The following EDIL3 variants were observed in gnomAD, a reference collection of about 807,000 sequenced individuals.
EDIL3 encodes the protein EGF like and discoidin domains 3.
A neutral mutation model predicts 67.4 loss-of-function variants in EDIL3; 37 were observed. The observed-to-expected ratio is 0.55, with a 90% CI of 0.42 to 0.72. The LOEUF (loss-of-function observed/expected upper bound fraction) is 0.72. EDIL3 is among the 30% of genes least tolerant of loss of function. EDIL3 has a pLI of 0.00. For missense variants in EDIL3, 527 were observed against 586.3 expected (o/e 0.90, Z 1.04); for synonymous variants, 195 against 196.3 (o/e 0.99, Z 0.05).
At chr5:84,253,603 T>A (rs1745074021) in intron 2 of EDIL3, among the ~76,000 whole-genome samples, 1 of 152,180 alleles carries the variant, frequency 6.6e-6, no homozygotes, top group Non-Finnish European at 1.5e-5. Context: ...GCACTGCATC[T>A]GGAATATCCT....
intron 6 of EDIL3, among the ~76,000 whole-genome samples, chr5:84,077,454 A>G (rs965774231): frequency 6.6e-6 from 1 of 152,148 alleles, no homozygotes; most frequent in African/African-American, 2.4e-5. Flanking sequence ...GGTTTAATGG[A>G]CTCACAGTTC....
intron 9 of EDIL3, among the ~76,000 whole-genome samples, chr5:83,998,649 C>T (rs1745275094): frequency 6.6e-6 from 1 of 152,160 alleles, no homozygotes; most frequent in African/African-American, 2.4e-5. Flanking sequence ...TCTCTAATTC[C>T]AGGCCCTAGT....
At chr5:83,983,551 A>G (rs947428547) in intron 9 of EDIL3, among the ~76,000 whole-genome samples, 1 of 152,102 alleles carries the variant, frequency 6.6e-6, no homozygotes, top group Admixed American at 6.6e-5. Flanking sequence ...ACTTCATGTT[A>G]TACTCCATGG....
At chr5:84,323,699 T>C (rs1349774775) in intron 1 of EDIL3, among the ~76,000 whole-genome samples, 2 of 151,754 alleles carry the variant, frequency 1.3e-5, no homozygotes, top group African/African-American at 2.4e-5. Context: ...AAGACACAAA[T>C]AGATTGTAAG....
intron 9 of EDIL3, among the ~76,000 whole-genome samples, chr5:84,058,759 C>A (rs1317204390): frequency 2.0e-5 from 3 of 152,114 alleles, no homozygotes; most frequent in African/African-American, 7.2e-5. Context: ...ATCTTAATGT[C>A]TTAAGCAACA....
intron 1 of EDIL3, among the ~76,000 whole-genome samples, chr5:84,351,067 C>T (rs1338207411): frequency 6.6e-6 from 1 of 152,076 alleles, no homozygotes; most frequent in Admixed American, 6.6e-5. Context: ...TTGCATTGGA[C>T]AGCACAGCTC....
intron 6 of EDIL3, among the ~76,000 whole-genome samples, chr5:84,085,825 G>A (rs1298824388): frequency 6.6e-6 from 1 of 152,200 alleles, no homozygotes; most frequent in African/African-American, 2.4e-5. Context: ...TCTGTCCCAG[G>A]GAGATGAAGG....
At chr5:84,208,685 CAAAAAAAAAAAA>C (rs70975546) in intron 3 of EDIL3, among the ~76,000 whole-genome samples, 3 of 59,410 alleles carry the variant, frequency 5.0e-5, no homozygotes, top group Non-Finnish European at 8.6e-5. Context: ...GACTCCGTCT[CAAAAAAAAAAAA>C]AAAAAAAAAA....
At chr5:84,066,629 C>A in intron 6 of EDIL3, 23 bp from the exon 7 acceptor site, 1 of 1,603,580 alleles carries the variant, frequency 6.2e-7, no homozygotes, top group Non-Finnish European at 8.5e-7. Context: ...GCACAACCAA[C>A]AATAATCTTA....
rs867842403 is a variant in EDIL3, at chr5:84,384,449, A to T, written c.-75T>A. On this transcript the variant is annotated 5_prime_UTR_variant, in exon 1 of 11. Coordinates refer to ENST00000296591, the MANE Select transcript of EDIL3 (RefSeq NM_005711.5). ...GGCAGTGTAGCCGAGGTGGCAGCGC[A>T]GGGCAGCAGCAGACTCCGCCCCTAC... 11 of 1,481,370 alleles carry T rather than the reference A, an allele frequency of 7.4e-6. 1 individual carries two copies. In the Middle Eastern group the frequency reaches 6.9e-4, roughly 94 times the overall value. The allele number at this position is 1,481,370 out of a possible 1,614,324, so 91.8% of individuals were successfully genotyped here.
At chr5:84,190,579 GTATATATATATATATATA>G (rs138685119) in intron 3 of EDIL3, among the ~76,000 whole-genome samples, 2 of 122,056 alleles carry the variant, frequency 1.6e-5, no homozygotes, top group African/African-American at 6.3e-5. Flanking sequence ...GTGTGTGTGT[GTATATATATATATATATA>G]TATATATAAT....
chr5:84,284,239 G>A (rs13177479), intron 1 of EDIL3, among the ~76,000 whole-genome samples: 123,706 of 152,130 alleles, frequency 0.81, 50,647 homozygotes, highest in East Asian at 0.95. Flanking sequence ...TAAATATTCT[G>A]TATGTATATG....
intron 9 of EDIL3, among the ~76,000 whole-genome samples, chr5:83,980,620 G>A (rs1158665901): frequency 1.3e-5 from 2 of 150,036 alleles, no homozygotes; most frequent in African/African-American, 2.4e-5. Flanking sequence ...CCTGGGAGGC[G>A]GAGGTTAAAG....
At chr5:83,993,540 T>C (rs1022661078) in intron 9 of EDIL3, among the ~76,000 whole-genome samples, 5 of 152,172 alleles carry the variant, frequency 3.3e-5, no homozygotes, top group African/African-American at 1.2e-4. Flanking sequence ...GTGCACCATA[T>C]TCCCTATCTG....
Position 84,060,475 on chromosome 5 carries a change from T to C in EDIL3, c.962A>G (p.Glu321Gly), listed in dbSNP as rs1281404128. Residue 321 changes from glutamate (E) to glycine (G), a missense_variant, in exon 9 of 11, where the codon GAG (glutamate) becomes GGG (glycine). Glu to Gly is a moderately conservative substitution (Grantham distance 98, BLOSUM62 -2). Around this residue, in one of 2 missense-constraint regions of EDIL3, gnomAD observed 494 missense variants for 522.5 expected, o/e 0.95. Transcript: ENST00000296591. ...LLGCELSGCS[E>G]PLGMKSGHIQ... ...ATGTCCTGATTTCATACCCAGAGGCTCAGAACAACCTGAAAGAAAATGAGA... is the reference window on the plus strand; with the variant it reads ...ATGTCCTGATTTCATACCCAGAGGCCCAGAACAACCTGAAAGAAAATGAGA... 6.2e-7 allele frequency: 1 copy of C among 1,613,262 alleles called. No homozygotes were observed. The highest frequency in any genetic ancestry group is 1.3e-5 in the African/African-American group (1 of 74,844).
chr5:84,191,301 AT>A (rs1743580418), intron 3 of EDIL3, among the ~76,000 whole-genome samples: 1 of 151,982 alleles, frequency 6.6e-6, no homozygotes, highest in African/African-American at 2.4e-5. Context: ...AAGGATTTCT[AT>A]TTTTACTTTT....
At chr5:84,356,802 T>C (rs1372535996) in intron 1 of EDIL3, among the ~76,000 whole-genome samples, 1 of 151,732 alleles carries the variant, frequency 6.6e-6, no homozygotes, top group Non-Finnish European at 1.5e-5. Flanking sequence ...CTCATTTTCT[T>C]CTAATCATTA....
chr5:84,371,341 A>ATATATATATATATGTGTGTGTG (rs1008172581), intron 1 of EDIL3, among the ~76,000 whole-genome samples: 1 of 129,694 alleles, frequency 7.7e-6, no homozygotes, highest in African/African-American at 2.7e-5. Flanking sequence ...ATATATATAT[A>ATATATATATATATGTGTGTGTG]TGTGTGTGTG....
intron 1 of EDIL3, among the ~76,000 whole-genome samples, chr5:84,293,814 T>A (rs1745976663): frequency 6.6e-6 from 1 of 150,618 alleles, no homozygotes; most frequent in Admixed American, 6.6e-5. Flanking sequence ...GTTATATGAG[T>A]TTTCTCTTGA....
Sources: gnomAD v4.1 joint callset for allele counts (sites outside exome capture counted in the v4.1 genomes callset) on GRCh38, gnomAD v4.1.1 for gene constraint, gnomAD v4.1.1 regional missense constraint, MANE v1.5 for transcripts, NCBI Gene and HGNC (gene_info 2026-07-23, HGNC 2026-07-21) for gene names.